ZNF169: variants seen among roughly 807,000 people sequenced by gnomAD.
ZNF169 encodes the protein zinc finger protein 169.
In ZNF169, 11 loss-of-function variants were observed where a neutral mutation model predicts 12.0. The observed-to-expected ratio is 0.92, with a 90% CI of 0.58 to 1.52. The LOEUF (loss-of-function observed/expected upper bound fraction) is 1.52, where lower values mean the gene tolerates loss of function less well. ZNF169 is among the 40% of genes most tolerant of loss of function. The probability of loss-of-function intolerance (pLI) is 0.00; values close to 1 mark genes in which losing one functional copy is unlikely to be tolerated. For missense variants in ZNF169, 722 were observed against 744.0 expected (o/e 0.97, Z 0.34); for synonymous variants, 302 against 286.5 (o/e 1.05, Z -0.55).
intron 2 of ZNF169, among the ~76,000 whole-genome samples, chr9:94,290,064 AT>A (rs1332557302): frequency 6.6e-6 from 1 of 152,122 alleles, no homozygotes; most frequent in Non-Finnish European, 1.5e-5. Flanking sequence ...AGTTAAAAAT[AT>A]TTTTTCTAAT....
chr9:94,289,068 G>A lies in ZNF169; in HGVS notation c.34-3273G>A, dbSNP rs183592997. ...TTATGTTTTTAAACAGAAAGAGTAA[G>A]GGGATGTAATGGGAGGTAAGTTCTA... is the stretch of plus-strand genomic sequence containing the variant. On this transcript the variant is annotated intron_variant, in intron 2 of 4. Coordinates refer to ENST00000395395, the MANE Select transcript of ZNF169 (RefSeq NM_194320.4). Among the ~76,000 whole-genome samples, 595 of 152,276 alleles carry A rather than the reference G, an allele frequency of 3.9e-3. 2 individuals carry two copies. The highest frequency in any genetic ancestry group is 0.013 in the African/African-American group (525 of 41,558).
intron 1 of ZNF169, among the ~76,000 whole-genome samples, chr9:94,269,278 T>A (rs909587863): frequency 4.6e-5 from 7 of 152,092 alleles, no homozygotes; most frequent in African/African-American, 1.7e-4. Flanking sequence ...AAAGGGGGTG[T>A]ATGAGCGAGC....
intron 1 of ZNF169, among the ~76,000 whole-genome samples, chr9:94,273,330 A>T (rs373579662): frequency 1.4e-5 from 2 of 145,042 alleles, no homozygotes; most frequent in Non-Finnish European, 3.1e-5. Context: ...TTTTTTTTTT[A>T]GGAGTTTTAT....
At chr9:94,296,748 T>C in intron 4 of ZNF169, 2 of 457,210 alleles carry the variant, frequency 4.4e-6, no homozygotes, top group Non-Finnish European at 8.8e-6. Context: ...TACCACAGTT[T>C]TGATTACTGT....
chr9:94,292,593 C>G (rs1830864367), intron 3 of ZNF169, 126 bp downstream of exon 3: 1 of 1,118,916 alleles, frequency 8.9e-7, no homozygotes. Flanking sequence ...GAATGCCTGG[C>G]TTTCACAGTG....
chr9:94,285,968 A>G (rs980434574), intron 2 of ZNF169, among the ~76,000 whole-genome samples: 3 of 151,956 alleles, frequency 2.0e-5, no homozygotes, highest in Admixed American at 6.6e-5. Flanking sequence ...CCGAGATCAC[A>G]CCATTGCACT....
chr9:94,292,625 G>GTT (rs1314682554), intron 3 of ZNF169, 158 bp downstream of exon 3: 11 of 828,936 alleles, frequency 1.3e-5, no homozygotes, highest in South Asian at 1.8e-5. Flanking sequence ...GTGTGTGTGT[G>GTT]TGTGTGTGTG....
chr9:94,293,487 G>A (rs374301787), intron 4 of ZNF169: 8 of 388,496 alleles, frequency 2.1e-5, no homozygotes, highest in African/African-American at 1.1e-4. Flanking sequence ...CATGATCTCG[G>A]CTCACTGCAA....
At chr9:94,265,243 C>A (rs139891406) in intron 1 of ZNF169, among the ~76,000 whole-genome samples, 1,857 of 151,870 alleles carry the variant, frequency 0.012, 23 homozygotes, top group Non-Finnish European at 0.019. Flanking sequence ...ATTTCTGTAA[C>A]CGGTTACAGG....
intron 2 of ZNF169, among the ~76,000 whole-genome samples, chr9:94,290,729 G>A (rs1830811438): frequency 1.3e-5 from 2 of 152,062 alleles, no homozygotes; most frequent in Non-Finnish European, 2.9e-5. Flanking sequence ...TATGAACATT[G>A]GTGTACAAGT....
chr9:94,299,890 C>T lies in ZNF169; in HGVS notation c.332C>T (p.Ala111Val), dbSNP rs762656741. 6.2e-6 allele frequency: 10 copies of T among 1,613,938 alleles called. No homozygotes were observed. The African/African-American group carries it at 9.3e-5, about 15-fold the overall frequency. ...AGCTCGCAGCTCCTCAGACAATATG[C>T]GCTAAGTGGCCATCCCACACAGATC... ...FSSSQLLRQY[A>V]LSGHPTQIFP... Residue 111 changes from alanine to valine, a missense_variant, in exon 5 of 5, where the codon GCG becomes GTG. Ala to Val is a moderately conservative substitution (Grantham distance 64). Transcript: ENST00000395395.
At position 94,301,268 on chromosome 9, in the gene ZNF169, TGTCTG is replaced by T; in HGVS notation, c.1711_1715del (p.Val571GlnfsTer8). On this transcript the variant is annotated frameshift_variant, in exon 5 of 5. Transcript: ENST00000395395. LOFTEE classifies it low-confidence loss of function (END_TRUNC). ...GGACCCATTCTGGGGAGAAGCCGTA[TGTCTG>T]CAGGGAGTGTGGGCGTGGCTTTAGC... 1.9e-6 allele frequency: 3 copies of T among 1,612,930 alleles called. No homozygotes were observed. Among genetic ancestry groups the T allele is most frequent in the Non-Finnish European group, 2.5e-6 (3 of 1,179,638 alleles).
intron 2 of ZNF169, among the ~76,000 whole-genome samples, chr9:94,290,671 C>G (rs578161634): frequency 1.9e-4 from 29 of 152,206 alleles, no homozygotes; most frequent in African/African-American, 6.5e-4. Context: ...TTTATTCATT[C>G]AGTTGATAAA....
intron 2 of ZNF169, among the ~76,000 whole-genome samples, chr9:94,284,320 G>C (rs1830687195): frequency 6.6e-6 from 1 of 152,030 alleles, no homozygotes; most frequent in African/African-American, 2.4e-5. Context: ...AGCTACTCAG[G>C]AGGCTGAGGC....
intron 1 of ZNF169, among the ~76,000 whole-genome samples, chr9:94,273,327 T>TG (rs1830457969): frequency 6.6e-6 from 1 of 151,864 alleles, no homozygotes; most frequent in Admixed American, 6.6e-5. Flanking sequence ...CTATTTTTTT[T>TG]TTAGGAGTTT....
chr9:94,280,473 T>G (rs1039295017), intron 2 of ZNF169, among the ~76,000 whole-genome samples: 1 of 152,234 alleles, frequency 6.6e-6, no homozygotes, highest in Admixed American at 6.5e-5. Context: ...GACCAACTTC[T>G]CTCAATATAC....
At chr9:94,264,507 C>A (rs1036379542) in intron 1 of ZNF169, among the ~76,000 whole-genome samples, 1 of 152,186 alleles carries the variant, frequency 6.6e-6, no homozygotes, top group African/African-American at 2.4e-5. Flanking sequence ...TTTATCGTTT[C>A]TGGTGATCTT....
chr9:94,280,625 C>T lies in ZNF169; in HGVS notation c.33+1780C>T, dbSNP rs151003268. Among the ~76,000 whole-genome samples the T allele has an allele frequency of 2.6e-4, 39 of 152,258 alleles. No homozygotes were observed. The East Asian group carries it at 7.1e-3, about 28-fold the overall frequency. ...TACTTCTATAGAATGGTGCAACTCG[C>T]GAATGGAGTAATGGTGAGAGCACAC... On this transcript the variant is annotated intron_variant, in intron 2 of 4. Transcript: ENST00000395395.
intron 3 of ZNF169, 65 bp downstream of exon 3, chr9:94,292,532 G>A: frequency 1.3e-6 from 2 of 1,561,576 alleles, no homozygotes; most frequent in Non-Finnish European, 8.7e-7. Context: ...TACATAGCAA[G>A]CTGCCATGCT....
Sources: allele counts gnomAD v4.1 joint callset (sites outside exome capture counted in the v4.1 genomes callset), GRCh38; gene constraint gnomAD v4.1.1; transcripts MANE v1.5; gene names NCBI Gene and HGNC (gene_info 2026-07-23, HGNC 2026-07-21).